The following GRXCR2 variants were observed in gnomAD, a reference collection of about 807,000 sequenced individuals.
GRXCR2 encodes glutaredoxin and cysteine rich domain containing 2, also known as glutaredoxin domain-containing cysteine-rich protein 2.
Under a neutral mutation model 24.8 loss-of-function variants are expected in GRXCR2, and 23 were observed. That is an observed-to-expected ratio of 0.93 (90% CI 0.67 to 1.32). GRXCR2 has a LOEUF of 1.32. Among genes scored for constraint, GRXCR2 ranks in the 40% most tolerant of loss-of-function variants. The pLI is 0.00. For synonymous variants in GRXCR2, 130 were observed against 116.1 expected (o/e 1.12, Z -0.77); for missense variants, 315 against 303.4 (o/e 1.04, Z -0.28).
intron 2 of GRXCR2, among the ~76,000 whole-genome samples, chr5:145,884,896 T>C (rs1213436332): frequency 1.3e-5 from 2 of 152,160 alleles, no homozygotes; most frequent in Non-Finnish European, 2.9e-5. Context: ...CTGGACGTTA[T>C]TTTTATGTGT....
At chr5:145,889,852 G>A (rs543375514) in intron 2 of GRXCR2, among the ~76,000 whole-genome samples, 3 of 152,102 alleles carry the variant, frequency 2.0e-5, no homozygotes, top group Non-Finnish European at 4.4e-5. Context: ...AATGAAGGAA[G>A]AGATAAACAT....
chr5:145,873,003 C>A lies in GRXCR2; in HGVS notation c.-35G>T. On this transcript the variant is annotated 5_prime_UTR_variant, in exon 1 of 3. Coordinates refer to ENST00000377976, the MANE Select transcript of GRXCR2 (RefSeq NM_001080516.2). ...GTTGACCCTGTGGTCTCCAGCCTTC[C>A]GTGCAGCCGGTGAAACTTGGGCCTC... The A allele has an allele frequency of 1.3e-6, 2 of 1,575,754 alleles. No individual in the cohort carries two copies. Among genetic ancestry groups the A allele is most frequent in the Non-Finnish European group, 1.7e-6 (2 of 1,150,742 alleles).
At chr5:145,921,950 A>ATAAAT (rs1757327605) in intron 2 of GRXCR2, among the ~76,000 whole-genome samples, 1 of 152,196 alleles carries the variant, frequency 6.6e-6, no homozygotes, top group African/African-American at 2.4e-5. Flanking sequence ...AGATTCAAGG[A>ATAAAT]GACATAAAAT....
At chr5:145,876,191 G>GTATATATATATATA (rs748811333), upstream of GRXCR2, among the ~76,000 whole-genome samples, 589 of 105,048 alleles carry the variant, frequency 5.6e-3, no homozygotes, top group Non-Finnish European at 7.1e-3. Flanking sequence ...GTGTGTGTGT[G>GTATATATATATATA]TATATATATA....
At chr5:145,865,981 T>TA (rs56827846) in intron 2 of GRXCR2, among the ~76,000 whole-genome samples, 35,427 of 122,198 alleles carry the variant, frequency 0.29, 4,725 homozygotes, top group East Asian at 0.61. Context: ...CTATTAAAAA[T>TA]AAAAAAAAAT....
intron 2 of GRXCR2, among the ~76,000 whole-genome samples, chr5:145,914,108 G>A (rs1268889291): frequency 1.3e-5 from 2 of 152,156 alleles, no homozygotes; most frequent in Non-Finnish European, 1.5e-5. Context: ...CTGCACAGGA[G>A]ATCATCCCTG....
At chr5:145,912,051 T>A (rs1369441438) in intron 2 of GRXCR2, among the ~76,000 whole-genome samples, 1 of 152,176 alleles carries the variant, frequency 6.6e-6, no homozygotes, top group Non-Finnish European at 1.5e-5. Flanking sequence ...GAGCTGTGAT[T>A]GTGCCACTGC....
Position 145,866,672 on chromosome 5 carries a change from G to T in GRXCR2, c.393C>A (p.Ile131=). 1 of 1,613,708 alleles carries T rather than the reference G, an allele frequency of 6.2e-7. No homozygotes were observed. Among genetic ancestry groups the T allele is most frequent in the South Asian group, 1.1e-5 (1 of 91,076 alleles). ...CTCTCTTGTCCATTGGGGTTCGAAT[G>T]ATTTTCAGGTTATTAGTGTAGATGA... ...KIIIYTNNLK[I]IRTPMDKRDF... The change falls in exon 2 of 3, where the codon ATC becomes ATA. Residue 131 remains isoleucine, a synonymous_variant. Coordinates refer to ENST00000377976, the MANE Select transcript of GRXCR2 (RefSeq NM_001080516.2).
chr5:145,860,226 G>A (rs1411137071), intron 2 of GRXCR2, among the ~76,000 whole-genome samples: 1 of 152,148 alleles, frequency 6.6e-6, no homozygotes, highest in Non-Finnish European at 1.5e-5. Context: ...AAAGGGCAAG[G>A]ACTTTATTTT....
At chr5:145,900,068 ACAACCC>A (rs1230515121) in intron 2 of GRXCR2, among the ~76,000 whole-genome samples, 1 of 152,120 alleles carries the variant, frequency 6.6e-6, no homozygotes, top group Non-Finnish European at 1.5e-5. Flanking sequence ...CAAGCAAAAA[ACAACCC>A]CATTAAAAAT....
chr5:145,866,830 C>T, intron 1 of GRXCR2, 102 bp from the exon 2 acceptor site: 1 of 712,226 alleles, frequency 1.4e-6, no homozygotes. Context: ...GAAGGAACTT[C>T]TACCACCCAG....
rs765837988 is a variant in GRXCR2, at chr5:145,872,919, C to T, written c.50G>A (p.Arg17Gln). Residue 17 changes from arginine to glutamine, a missense_variant, in exon 1 of 3, where the codon CGG becomes CAG. Transcript: ENST00000377976. The part of the protein sequence containing the change: ...KLNQKSDGKP[R>Q]KVRFKISSSY... ...GGAGGAGATTTTAAATCGTACTTTCCGGGGTTTGCCATCACTCTTCTGATT... is the reference window on the plus strand; with the variant it reads ...GGAGGAGATTTTAAATCGTACTTTCTGGGGTTTGCCATCACTCTTCTGATT... The T allele has an allele frequency of 1.9e-5, 30 of 1,614,018 alleles. No homozygotes were observed. The South Asian group carries it at 2.0e-4, about 11-fold the overall frequency.
chr5:145,928,985 A>T lies in GRXCR2; in HGVS notation c.-70+6716T>A, dbSNP rs372696680. Among the ~76,000 whole-genome samples, 4 of 151,998 alleles carry T rather than the reference A, an allele frequency of 2.6e-5. No homozygotes were observed. In the East Asian group the frequency reaches 5.8e-4, roughly 22 times the overall value. On this transcript the variant is annotated intron_variant, in intron 2 of 3. Coordinates refer to the GRXCR2 transcript ENST00000639411. ...CATGAGCAAAATTTTTAAAAATAAA[A>T]ATCAACTAATAAGCCCAGTGGCTAG...
chr5:145,915,177 G>A, intron 2 of GRXCR2, among the ~76,000 whole-genome samples: 1 of 152,184 alleles, frequency 6.6e-6, no homozygotes, highest in Non-Finnish European at 1.5e-5. Flanking sequence ...CAAATGATCT[G>A]GGAGGAGGTT....
chr5:145,922,909 C>G (rs80321511), intron 2 of GRXCR2, among the ~76,000 whole-genome samples: 2,202 of 152,316 alleles, frequency 0.014, 58 homozygotes, highest in African/African-American at 0.05. Context: ...AAGTATGTCC[C>G]ATGTACCAGT....
At chr5:145,897,585 C>T (rs532729710) in intron 2 of GRXCR2, among the ~76,000 whole-genome samples, 74 of 151,948 alleles carry the variant, frequency 4.9e-4, no homozygotes, top group African/African-American at 1.7e-3. Flanking sequence ...AAGTCTCAAT[C>T]AATTCCAAAA....
chr5:145,874,210 T>A (rs61401977), upstream of GRXCR2, among the ~76,000 whole-genome samples: 8,192 of 139,958 alleles, frequency 0.059, 358 homozygotes, highest in African/African-American at 0.14. Flanking sequence ...TTTTATTTTA[T>A]TTTTTTTTTT....
At chr5:145,884,767 T>C (rs894167761) in intron 2 of GRXCR2, among the ~76,000 whole-genome samples, 4 of 152,230 alleles carry the variant, frequency 2.6e-5, no homozygotes, top group South Asian at 4.1e-4. Flanking sequence ...ACTTGGGAGT[T>C]GGGAAAAAAA....
Position 145,907,216 on chromosome 5 carries a change from T to C in GRXCR2, c.-70+28485A>G, listed in dbSNP as rs564816884. On this transcript the variant is annotated intron_variant, in intron 2 of 3. Transcript: ENST00000639411. ...GGGAGTTTTGAGCAGAGGAGGGGCA[T>C]GTACTGATGCAGATTTAAAACGATT... Among the ~76,000 whole-genome samples, 13 of 152,128 alleles carry C rather than the reference T, an allele frequency of 8.5e-5. No individual in the cohort carries two copies. The East Asian group carries it at 2.5e-3, about 29-fold the overall frequency.
Sources: gnomAD v4.1 joint callset for allele counts (sites outside exome capture counted in the v4.1 genomes callset) on GRCh38, gnomAD v4.1.1 for gene constraint, MANE v1.5 for transcripts, NCBI Gene and HGNC (gene_info 2026-07-23, HGNC 2026-07-21) for gene names.